BCL6: variants seen among roughly 807,000 people sequenced by gnomAD.
BCL6 encodes the protein B-cell lymphoma 6 protein.
BCL6 carries 7 observed loss-of-function variants against 59.5 expected under a neutral mutation model. That is an observed-to-expected ratio of 0.12 (90% CI 0.07 to 0.22). The LOEUF (loss-of-function observed/expected upper bound fraction) is 0.22, where lower values mean the gene tolerates loss of function less well. Among genes scored for constraint, BCL6 ranks in the 10% least tolerant of loss-of-function variants. The pLI is 1.00. For synonymous variants in BCL6, 339 were observed against 349.7 expected (o/e 0.97, Z 0.34); for missense variants, 685 against 939.4 (o/e 0.73, Z 3.54).
Position 187,725,088 on chromosome 3 carries a change from G to A in BCL6, c.1840-10C>T, listed in dbSNP as rs765396384. On this transcript the variant is annotated splice_polypyrimidine_tract_variant and intron_variant, in intron 8 of 9. Transcript: ENST00000406870. The surrounding 1 kb of genome is among the most constrained non-coding windows in gnomAD (Gnocchi z 4.7). ...CACGGAGGTGGGCCACCTGAACGAA[G>A]AAGAAGGCATGAGAGGTCTTCTGGG... 6.2e-7 allele frequency: 1 copy of A among 1,613,764 alleles called. No homozygotes were observed. Among genetic ancestry groups the A allele is most frequent in the South Asian group, 1.1e-5 (1 of 91,062 alleles).
At chr3:187,724,321 C>A (rs909743555) in intron 9 of BCL6, among the ~76,000 whole-genome samples, 2 of 152,170 alleles carry the variant, frequency 1.3e-5, no homozygotes, top group South Asian at 4.1e-4. Context: ...ATTCCTAGTT[C>A]ATGGAATGTT....
chr3:187,745,164 A>T, intron 1 of BCL6, among the ~76,000 whole-genome samples: 2 of 152,316 alleles, frequency 1.3e-5, no homozygotes, highest in Non-Finnish European at 1.5e-5. Flanking sequence ...CTATGGTGGG[A>T]GAGACGTGGG....
intron 1 of BCL6, among the ~76,000 whole-genome samples, chr3:187,744,472 A>T (rs1393496744): frequency 6.6e-6 from 1 of 152,240 alleles, no homozygotes; most frequent in East Asian, 1.9e-4. Context: ...GCTCCCCAAA[A>T]CACAGGGGCA....
chr3:187,731,209 G>A (rs6762932), intron 4 of BCL6, among the ~76,000 whole-genome samples: 26,810 of 152,166 alleles, frequency 0.18, 2,655 homozygotes, highest in African/African-American at 0.28. Flanking sequence ...TAAAAGGTGA[G>A]TAAGATAGCC....
At chr3:187,726,684 G>GC (rs1331539400) in intron 7 of BCL6, 47 bp downstream of exon 7, 9 of 1,599,420 alleles carry the variant, frequency 5.6e-6, no homozygotes, top group Non-Finnish European at 7.7e-6. Flanking sequence ...TCCCTGTCCT[G>GC]CCCCAATAAT....
At chr3:187,737,376 A>AGG (rs1719334606) in intron 1 of BCL6, 1 of 148,688 alleles carries the variant, frequency 6.7e-6, no homozygotes, top group Admixed American at 6.6e-5. Context: ...AGAGAGAGAG[A>AGG]GAGAGAGAGA....
At chr3:187,745,094 A>G (rs1711865629) in intron 1 of BCL6, among the ~76,000 whole-genome samples, 1 of 152,194 alleles carries the variant, frequency 6.6e-6, no homozygotes, top group African/African-American at 2.4e-5. Context: ...AAGCCTCCCC[A>G]AACCGGCCGA....
chr3:187,745,078 T>C (rs551262652), intron 1 of BCL6, among the ~76,000 whole-genome samples: 3 of 150,714 alleles, frequency 2.0e-5, no homozygotes, highest in South Asian at 2.1e-4. Context: ...CAAGGGAGGG[T>C]GGCAAAAGCC....
chr3:187,740,080 C>T (rs1266871903), intron 1 of BCL6, among the ~76,000 whole-genome samples: 1 of 152,304 alleles, frequency 6.6e-6, no homozygotes, highest in East Asian at 1.9e-4. Context: ...ACGGCGCTGT[C>T]TCCCCCTGCA....
intron 1 of BCL6, among the ~76,000 whole-genome samples, chr3:187,744,583 C>T (rs753403705): frequency 6.6e-6 from 1 of 152,020 alleles, no homozygotes; most frequent in African/African-American, 2.4e-5. Flanking sequence ...ACCAAAAAAA[C>T]AAAAACAAAA....
intron 1 of BCL6, among the ~76,000 whole-genome samples, chr3:187,743,585 A>G (rs1017693082): frequency 1.3e-5 from 2 of 151,864 alleles, no homozygotes; most frequent in Admixed American, 1.3e-4. Context: ...GAGCTTTAAA[A>G]CTCATTATTG....
At chr3:187,731,260 G>GGCACAT (rs1359646295) in intron 4 of BCL6, among the ~76,000 whole-genome samples, 2 of 152,068 alleles carry the variant, frequency 1.3e-5, no homozygotes, top group African/African-American at 4.8e-5. Context: ...CGGGAACTAA[G>GGCACAT]GCACATATGT....
chr3:187,745,194 T>C (rs1711881478), intron 1 of BCL6, among the ~76,000 whole-genome samples: 1 of 152,290 alleles, frequency 6.6e-6, no homozygotes, highest in Admixed American at 6.5e-5. Flanking sequence ...CGGCATTTAT[T>C]TTAACACCTG....
At position 187,731,755 on chromosome 3, in the gene BCL6, G is replaced by T. The variant is rs754593601; in HGVS notation, c.337C>A (p.Gln113Lys). 1.2e-6 allele frequency: 2 copies of T among 1,614,166 alleles called. No homozygotes were observed. Among genetic ancestry groups the T allele is most frequent in the Middle Eastern group, 1.7e-4 (1 of 6,060 alleles). ...MAVMATAMYLQMEHVVDTCRK... is the reference protein window; with the variant it reads ...MAVMATAMYLKMEHVVDTCRK... Reference sequence around the variant, plus strand: ...CAAGTGTCCACAACATGCTCCATCTGCAGGTACATAGCCGTGGCCATCACA... The same window carrying T: ...CAAGTGTCCACAACATGCTCCATCTTCAGGTACATAGCCGTGGCCATCACA... Residue 113 changes from glutamine (Q) to lysine (K), a missense_variant, in exon 4 of 10, where the codon CAG (glutamine) becomes AAG (lysine). By Grantham distance (53) the Gln-to-Lys change is moderately conservative (BLOSUM62 1). Around this residue, in one of 7 missense-constraint regions of BCL6, gnomAD observed 102 missense variants for 176.6 expected, o/e 0.58. Transcript: ENST00000406870.
intron 1 of BCL6, among the ~76,000 whole-genome samples, chr3:187,744,718 T>A (rs548684177): frequency 3.9e-5 from 6 of 151,984 alleles, no homozygotes; most frequent in East Asian, 1.9e-4. Flanking sequence ...CCTCCCTTTT[T>A]GCCTCCCGGA....
rs369825127 is a variant in BCL6 at position 187,726,717 on chromosome 3, G to C, written c.1708+14C>G. The C allele has an allele frequency of 2.5e-4, 401 of 1,613,180 alleles. No individual in the cohort carries two copies. Among genetic ancestry groups the C allele is most frequent in the Non-Finnish European group, 3.0e-4 (349 of 1,179,606 alleles). ...AATTGTGGAGAGTTCGGGTCGTGTGGGGCAGGGCCATACCGGTATGGACGG... is the reference window on the plus strand; with the variant it reads ...AATTGTGGAGAGTTCGGGTCGTGTGCGGCAGGGCCATACCGGTATGGACGG... On this transcript the variant is annotated intron_variant, in intron 7 of 9. Coordinates refer to ENST00000406870, the MANE Select transcript of BCL6 (RefSeq NM_001706.5).
intron 1 of BCL6, among the ~76,000 whole-genome samples, chr3:187,745,206 C>T (rs143769459): frequency 5.9e-5 from 9 of 152,108 alleles, no homozygotes; most frequent in East Asian, 1.9e-4. Flanking sequence ...TAACACCTGA[C>T]AGCTAGAATA....
intron 9 of BCL6, 128 bp downstream of exon 9, chr3:187,724,813 C>T: frequency 4.4e-6 from 6 of 1,355,844 alleles, no homozygotes; most frequent in Non-Finnish European, 6.0e-6. Context: ...GGTTGCCCCA[C>T]TGTGTGCTTG....
Position 187,726,695 on chromosome 3 carries a change from T to C in BCL6, c.1708+36A>G. On this transcript the variant is annotated intron_variant, in intron 7 of 9. Transcript: ENST00000406870. Reference sequence around the variant, plus strand: ...CCTCTCCCTGTCCTGCCCCAATAATTGTGGAGAGTTCGGGTCGTGTGGGGC... The same window carrying C: ...CCTCTCCCTGTCCTGCCCCAATAATCGTGGAGAGTTCGGGTCGTGTGGGGC... The C allele has an allele frequency of 1.9e-6, 3 of 1,605,518 alleles. No individual in the cohort carries two copies. The East Asian group carries it at 6.7e-5, about 36-fold the overall frequency.
Sources: allele counts gnomAD v4.1 joint callset (sites outside exome capture counted in the v4.1 genomes callset), GRCh38; gene constraint gnomAD v4.1.1; regional missense constraint gnomAD v4.1.1; non-coding constraint Gnocchi (gnomAD v3.1); transcripts MANE v1.5; gene names NCBI Gene and HGNC (gene_info 2026-07-23, HGNC 2026-07-21).